Variants in LRP2 observed in about 807,000 individuals in gnomAD.
The protein encoded by LRP2 is LDL receptor related protein 2.
LRP2 carries 172 observed loss-of-function variants against 531.0 expected under a neutral mutation model. The observed-to-expected ratio is 0.32, with a 90% CI of 0.29 to 0.37. LRP2 has a LOEUF of 0.37. Ranked by LOEUF, LRP2 falls within the 10% of genes least tolerant of loss-of-function variation. The pLI, the probability that LRP2 is intolerant of heterozygous loss-of-function variation, is 1.00. For synonymous variants in LRP2, 1,992 were observed against 2,027.6 expected, an observed-to-expected ratio of 0.98 and a Z score of 0.47; for missense variants, 5,167 against 5,868.3, an observed-to-expected ratio of 0.88 and a Z score of 3.90.
chr2:169,321,429 C>T (rs963947152), intron 1 of LRP2, among the ~76,000 whole-genome samples: 13 of 147,386 alleles, frequency 8.8e-5, no homozygotes, highest in Admixed American at 6.1e-4. Context: ...AAAACAAGGA[C>T]GTAAATTTTT....
chr2:169,178,601 A>G (rs1007489416), intron 52 of LRP2, among the ~76,000 whole-genome samples: 1 of 152,210 alleles, frequency 6.6e-6, no homozygotes, highest in African/African-American at 2.4e-5. Context: ...TAATCGTGCC[A>G]TGGCACCATT....
Position 169,132,666 on chromosome 2 carries a change from T to C in LRP2, c.13636A>G (p.Asn4546Asp), listed in dbSNP as rs1337936316. 1 of 1,580,892 alleles carries C rather than the reference T, an allele frequency of 6.3e-7. No homozygotes were observed. Among genetic ancestry groups the C allele is most frequent in the East Asian group, 2.2e-5 (1 of 44,726 alleles). The change falls in exon 77 of 79, where the codon AAT (asparagine) becomes GAT (aspartate). Residue 4546 changes from asparagine to aspartate, a missense_variant. Asn to Asp is a conservative substitution (Grantham distance 23). Coordinates refer to ENST00000649046, the MANE Select transcript of LRP2 (RefSeq NM_004525.3). Reference sequence around the variant, plus strand: ...CTTCCATAATTCTTATTATCCACATTTTCAGATACAGTCACCTGTGGACAT... The same window carrying C: ...CTTCCATAATTCTTATTATCCACATCTTCAGATACAGTCACCTGTGGACAT... ...VQPIQVTVSE[N>D]VDNKNYGSPI...
Position 169,127,331 on chromosome 2 carries a change from G to C in LRP2, c.*1332C>G, listed in dbSNP as rs1685132524. The C allele has an allele frequency of 6.6e-6, 1 of 152,158 alleles. No individual in the cohort carries two copies. Among genetic ancestry groups the C allele is most frequent in the South Asian group, 2.1e-4 (1 of 4,822 alleles). 9.4% of individuals were successfully genotyped at this position (152,158 alleles called of 1,614,324 possible). On this transcript the variant is annotated 3_prime_UTR_variant, in exon 79 of 79. Coordinates refer to ENST00000649046, the MANE Select transcript of LRP2 (RefSeq NM_004525.3). Reference sequence around the variant, plus strand: ...GTGCAATATTAGCACAGAGAGTCAGGTATGCTATTTGCTATGGGAAAGTGT... The same window carrying C: ...GTGCAATATTAGCACAGAGAGTCAGCTATGCTATTTGCTATGGGAAAGTGT...
chr2:169,323,361 C>T (rs1684955411), intron 1 of LRP2, among the ~76,000 whole-genome samples: 1 of 152,162 alleles, frequency 6.6e-6, no homozygotes, highest in African/African-American at 2.4e-5. Flanking sequence ...GCTGGGTGAC[C>T]TCTCAGCCAT....
At chr2:169,132,740 T>C (rs1558968736) in intron 76 of LRP2, 59 bp from the exon 77 acceptor site, 1 of 876,216 alleles carries the variant, frequency 1.1e-6, no homozygotes. Context: ...TAAATAAATT[T>C]GCTGTAAAGT....
chr2:169,272,666 A>C (rs1247253283), intron 15 of LRP2, among the ~76,000 whole-genome samples: 1 of 152,168 alleles, frequency 6.6e-6, no homozygotes, highest in Non-Finnish European at 1.5e-5. Context: ...CAAAGGGGGA[A>C]GGGAACCCAA....
chr2:169,161,192 A>G (rs1179248746), intron 63 of LRP2, among the ~76,000 whole-genome samples: 4 of 152,208 alleles, frequency 2.6e-5, no homozygotes, highest in South Asian at 2.1e-4. Flanking sequence ...GACTGCTCCA[A>G]TTCTGCCTCT....
At chr2:169,151,249 G>A (rs1320003003) in intron 67 of LRP2, among the ~76,000 whole-genome samples, 1 of 152,178 alleles carries the variant, frequency 6.6e-6, no homozygotes, top group Non-Finnish European at 1.5e-5. Flanking sequence ...CTGCCCAACA[G>A]CCAAAGCACC....
chr2:169,323,744 T>G (rs1684966197), intron 1 of LRP2, among the ~76,000 whole-genome samples: 1 of 151,866 alleles, frequency 6.6e-6, no homozygotes, highest in Non-Finnish European at 1.5e-5. Context: ...GTCTCAAAAC[T>G]GCCACATTCA....
At chr2:169,146,590 G>C (rs185578288) in intron 69 of LRP2, 149 bp downstream of exon 69, 9 of 616,590 alleles carry the variant, frequency 1.5e-5, no homozygotes, top group South Asian at 2.2e-5. Context: ...AATTCAGCAG[G>C]TGGGAGTTGG....
At chr2:169,359,909 A>G (rs1474613174) in intron 1 of LRP2, among the ~76,000 whole-genome samples, 2 of 152,052 alleles carry the variant, frequency 1.3e-5, no homozygotes, top group Admixed American at 6.6e-5. Context: ...AGATCACTTG[A>G]GGTCAGGAGT....
In LRP2 at chr2:169,326,868, G is replaced by A. The variant is rs549159546; in HGVS notation, c.80-5984C>T. Reference sequence around the variant, plus strand: ...ATGTGGGGAGCGCCTCTGCCCCGCCGCCCCGTCTGGGATGTGAGGAGTGCC... The same window carrying A: ...ATGTGGGGAGCGCCTCTGCCCCGCCACCCCGTCTGGGATGTGAGGAGTGCC... On this transcript the variant is annotated intron_variant, in intron 1 of 78. Coordinates refer to ENST00000649046, the MANE Select transcript of LRP2 (RefSeq NM_004525.3). 6.5e-3 allele frequency among the ~76,000 whole-genome samples: 933 copies of A among 144,404 alleles called. 9 individuals are homozygous for A. The highest frequency in any genetic ancestry group is 0.035 in the Admixed American group (506 of 14,666). 94.7% of individuals were successfully genotyped at this position (144,404 alleles called of 152,430 possible). A position where few individuals can be genotyped will look rare whatever the true frequency, so the allele number is the denominator to read the frequency against.
rs1683982622 is a variant in LRP2 at position 169,290,930 on chromosome 2, G to A, written c.837C>T (p.Cys279=). The change falls in exon 8 of 79, where the codon TGC becomes TGT. Residue 279 remains cysteine, a synonymous_variant. Coordinates refer to ENST00000649046, the MANE Select transcript of LRP2 (RefSeq NM_004525.3). ...REWSCPESGR[C]ISIYKVCDGI... ...CATCACAAACTTTATAAATGGAGAT[G>A]CATCGTCCCGACTCTGGGCAAGACC... 9.3e-6 allele frequency: 15 copies of A among 1,614,036 alleles called. No individual in the cohort carries two copies. Among genetic ancestry groups the A allele is most frequent in the Non-Finnish European group, 1.3e-5 (15 of 1,179,970 alleles).
intron 66 of LRP2, 104 bp from the exon 67 acceptor site, chr2:169,153,068 C>T: frequency 1.0e-6 from 1 of 957,476 alleles, no homozygotes; most frequent in Non-Finnish European, 1.7e-6. Context: ...GACATCTCTA[C>T]CTCCCTCCTC....
intron 1 of LRP2, among the ~76,000 whole-genome samples, chr2:169,340,223 T>G (rs1007175368): frequency 3.9e-5 from 6 of 152,184 alleles, no homozygotes; most frequent in Admixed American, 6.5e-5. Flanking sequence ...GTTTCCAGTT[T>G]TCTCATCATT....
chr2:169,280,837 C>T (rs73971832), intron 10 of LRP2, among the ~76,000 whole-genome samples: 201 of 152,250 alleles, frequency 1.3e-3, no homozygotes, highest in African/African-American at 4.6e-3. Context: ...CAGATATTTT[C>T]GAGACTCCTT....
At chr2:169,297,753 A>T (rs1684170626) in intron 4 of LRP2, among the ~76,000 whole-genome samples, 1 of 152,138 alleles carries the variant, frequency 6.6e-6, no homozygotes, top group Non-Finnish European at 1.5e-5. Context: ...GGGTGTAGAA[A>T]TGTAGTTTGA....
chr2:169,358,836 A>G (rs371442449), intron 1 of LRP2, among the ~76,000 whole-genome samples: 39 of 151,924 alleles, frequency 2.6e-4, no homozygotes, highest in East Asian at 2.1e-3. Context: ...CTATTTTTGA[A>G]AAATAAGTTT....
At chr2:169,189,416 G>A (rs1050915067) in intron 48 of LRP2, among the ~76,000 whole-genome samples, 5 of 152,124 alleles carry the variant, frequency 3.3e-5, no homozygotes, top group African/African-American at 9.7e-5. Context: ...TTGGTCTCCC[G>A]GGAGCTATTT....
Sources: gnomAD v4.1 joint callset for allele counts (sites outside exome capture counted in the v4.1 genomes callset) on GRCh38, gnomAD v4.1.1 for gene constraint, MANE v1.5 for transcripts, NCBI Gene and HGNC (gene_info 2026-07-23, HGNC 2026-07-21) for gene names.